DKK2: variants seen among roughly 807,000 people sequenced by gnomAD.
DKK2 encodes dickkopf-related protein 2.
In DKK2, 11 loss-of-function variants were observed where a neutral mutation model predicts 28.1. The ratio of observed to expected loss-of-function variants is 0.39; its 90% CI spans 0.25 to 0.65. The LOEUF is 0.65. DKK2 is among the 30% of genes least tolerant of loss of function. The pLI is 0.47. For missense variants in DKK2, 326 were observed against 335.5 expected (o/e 0.97, Z 0.22); for synonymous variants, 135 against 126.5 (o/e 1.07, Z -0.45).
At chr4:106,924,411 A>C in intron 3 of DKK2, 134 bp downstream of exon 3, 1 of 1,309,904 alleles carries the variant, frequency 7.6e-7, no homozygotes, top group Non-Finnish European at 1.0e-6. Context: ...TGCCACCTAA[A>C]TAACAAGTTT....
At chr4:106,995,676 G>A (rs569418773) in intron 1 of DKK2, among the ~76,000 whole-genome samples, 2 of 152,216 alleles carry the variant, frequency 1.3e-5, no homozygotes, top group East Asian at 3.9e-4. Flanking sequence ...GCAGTGGCGC[G>A]ATCTCGGCTC....
intron 2 of DKK2, 136 bp downstream of exon 2, chr4:106,925,663 T>G: frequency 1.7e-6 from 2 of 1,184,692 alleles, no homozygotes; most frequent in African/African-American, 1.5e-5. Context: ...CCAGGTAATC[T>G]TACACTACCT....
chr4:106,997,296 G>C (rs1042531690), intron 1 of DKK2, among the ~76,000 whole-genome samples: 19 of 152,128 alleles, frequency 1.2e-4, no homozygotes, highest in African/African-American at 4.6e-4. Flanking sequence ...AAATATTTAT[G>C]AAATGAGTAT....
chr4:107,007,100 G>A (rs1315949521), intron 1 of DKK2, among the ~76,000 whole-genome samples: 3 of 152,044 alleles, frequency 2.0e-5, no homozygotes, highest in South Asian at 2.1e-4. Flanking sequence ...TCTTGGAAAA[G>A]CAACAATTAT....
rs201496523 is a variant in DKK2, at chr4:106,938,596, C to A, written c.223-12647G>T. On this transcript the variant is annotated intron_variant, in intron 1 of 3. Transcript: ENST00000285311. ...AATCAATAGAAAAAGAGGGAATCCT[C>A]CCTAACTCTTTTTATGAGGCCAGCA... 6.5e-3 allele frequency among the ~76,000 whole-genome samples: 988 copies of A among 152,262 alleles called. 29 individuals carry two copies. In the East Asian group the frequency reaches 0.079, roughly 12 times the overall value.
At chr4:106,992,197 A>G (rs1219260395) in intron 1 of DKK2, among the ~76,000 whole-genome samples, 1 of 152,144 alleles carries the variant, frequency 6.6e-6, no homozygotes, top group Non-Finnish European at 1.5e-5. Context: ...GAGTCACCAT[A>G]TTATTAGATG....
intron 1 of DKK2, among the ~76,000 whole-genome samples, chr4:106,990,215 T>A (rs1164507724): frequency 6.6e-6 from 1 of 152,248 alleles, no homozygotes. Flanking sequence ...AAAATTTATT[T>A]CCTCAGTCAC....
rs1722564165 is a variant in DKK2, at chr4:106,954,802, T to C, written c.223-28853A>G. Among the ~76,000 whole-genome samples, 4 of 152,220 alleles carry C rather than the reference T, an allele frequency of 2.6e-5. No individual in the cohort carries two copies. The South Asian group carries it at 8.3e-4, about 32-fold the overall frequency. On this transcript the variant is annotated intron_variant, in intron 1 of 3. Coordinates refer to ENST00000285311, the MANE Select transcript of DKK2 (RefSeq NM_014421.3). Reference sequence around the variant, plus strand: ...TCGCAAAGTGCTGGGATTACAGGCATGAGCCACTGCACCCGGCTAGAAATG... The same window carrying C: ...TCGCAAAGTGCTGGGATTACAGGCACGAGCCACTGCACCCGGCTAGAAATG...
At chr4:106,951,267 T>G (rs1470320462) in intron 1 of DKK2, among the ~76,000 whole-genome samples, 1 of 152,078 alleles carries the variant, frequency 6.6e-6, no homozygotes, top group Non-Finnish European at 1.5e-5. Flanking sequence ...GAAAATAGTA[T>G]GAAGATTTCT....
At chr4:106,999,585 T>A (rs1408017540) in intron 1 of DKK2, among the ~76,000 whole-genome samples, 1 of 152,148 alleles carries the variant, frequency 6.6e-6, no homozygotes, top group Admixed American at 6.5e-5. Flanking sequence ...GACTGCATGA[T>A]CCACCCGCCT....
At chr4:106,992,688 T>C (rs374863937) in intron 1 of DKK2, among the ~76,000 whole-genome samples, 3 of 152,222 alleles carry the variant, frequency 2.0e-5, no homozygotes, top group East Asian at 1.9e-4. Flanking sequence ...TATATTTAAA[T>C]AGAGAAATCT....
intron 1 of DKK2, among the ~76,000 whole-genome samples, chr4:106,959,566 C>T (rs1042723451): frequency 2.6e-5 from 4 of 151,912 alleles, no homozygotes; most frequent in Non-Finnish European, 5.9e-5. Flanking sequence ...TTGTAAACTT[C>T]CCATAAGTAA....
At chr4:107,000,173 C>A (rs1723338803) in intron 1 of DKK2, among the ~76,000 whole-genome samples, 1 of 152,044 alleles carries the variant, frequency 6.6e-6, no homozygotes, top group Non-Finnish European at 1.5e-5. Flanking sequence ...CCAATAAATT[C>A]TCATTTTTTA....
intron 1 of DKK2, among the ~76,000 whole-genome samples, chr4:106,952,940 C>T (rs1314878590): frequency 1.3e-5 from 2 of 152,138 alleles, no homozygotes; most frequent in Non-Finnish European, 2.9e-5. Context: ...GTATGTTGGT[C>T]AACTTGCTTA....
chr4:106,923,740 G>T lies in DKK2; in HGVS notation c.*214C>A. On this transcript the variant is annotated 3_prime_UTR_variant, in exon 4 of 4. Coordinates refer to ENST00000285311, the MANE Select transcript of DKK2 (RefSeq NM_014421.3). ...ATGTGTACATTATTTACATAGACAAGTTGCATAATGGAAACACTGGCTGCA... is the reference window on the plus strand; with the variant it reads ...ATGTGTACATTATTTACATAGACAATTTGCATAATGGAAACACTGGCTGCA... 1.7e-6 allele frequency: 1 copy of T among 600,286 alleles called. No individual in the cohort carries two copies. Among genetic ancestry groups the T allele is most frequent in the Non-Finnish European group, 2.8e-6 (1 of 353,770 alleles). 37.2% of individuals were successfully genotyped at this position (600,286 alleles called of 1,614,324 possible). A position where few individuals can be genotyped will look rare whatever the true frequency, so the allele number is the denominator to read the frequency against.
At chr4:106,945,194 A>G (rs1184552270) in intron 1 of DKK2, among the ~76,000 whole-genome samples, 1 of 152,160 alleles carries the variant, frequency 6.6e-6, no homozygotes, top group Non-Finnish European at 1.5e-5. Flanking sequence ...AGTTCATCCT[A>G]CAGTAAAGAG....
rs901628328 is a variant in DKK2, at chr4:107,036,030, G to T, written c.-439C>A. 5.3e-6 allele frequency: 1 copy of T among 190,098 alleles called. No homozygotes were observed. Among genetic ancestry groups the T allele is most frequent in the Non-Finnish European group, 1.1e-5 (1 of 91,432 alleles). 11.8% of individuals were successfully genotyped at this position (190,098 alleles called of 1,614,324 possible). The stretch of plus-strand genomic sequence containing the variant: ...CAGCTCCTTCTCCTTCAACTCAGTT[G>T]CTTTTCTCTCCTCTCTTTTCCTATC... On this transcript the variant is annotated 5_prime_UTR_variant, in exon 1 of 4. Transcript: ENST00000285311.
chr4:106,965,523 A>T (rs1722764234), intron 1 of DKK2, among the ~76,000 whole-genome samples: 1 of 152,176 alleles, frequency 6.6e-6, no homozygotes, highest in South Asian at 2.1e-4. Context: ...TTTCTGTTTA[A>T]TTCCAAAGAA....
At chr4:107,010,912 T>A (rs1723507774) in intron 1 of DKK2, among the ~76,000 whole-genome samples, 1 of 151,328 alleles carries the variant, frequency 6.6e-6, no homozygotes. Flanking sequence ...AAAAACAATT[T>A]TCAAGAATGA....
Sources: allele counts gnomAD v4.1 joint callset (sites outside exome capture counted in the v4.1 genomes callset), GRCh38; gene constraint gnomAD v4.1.1; transcripts MANE v1.5; gene names NCBI Gene and HGNC (gene_info 2026-07-23, HGNC 2026-07-21).